Variants in OTOGL observed in about 807,000 individuals in gnomAD.
OTOGL encodes otogelin like.
A neutral mutation model predicts 318.5 loss-of-function variants in OTOGL; 285 were observed. That is an observed-to-expected ratio of 0.89 (90% confidence interval 0.81 to 0.99). OTOGL has a LOEUF of 0.99. Among genes scored for constraint, OTOGL ranks in the 50% least tolerant of loss-of-function variants. The pLI, the probability that OTOGL is intolerant of heterozygous loss-of-function variation, is 0.00. For synonymous variants in OTOGL, 987 were observed against 936.5 expected, an observed-to-expected ratio of 1.05 and a Z score of -0.99; for missense variants, 2,899 against 2,845.6, an observed-to-expected ratio of 1.02 and a Z score of -0.43.
intron 21 of OTOGL, 67 bp downstream of exon 21, chr12:80,266,683 G>A (rs12366943): frequency 1.4e-6 from 2 of 1,418,420 alleles, no homozygotes; most frequent in East Asian, 4.8e-5. Flanking sequence ...GGCTAAATGA[G>A]CTTTCATGGA....
chr12:80,201,417 C>A (rs962823536), intron 1 of OTOGL, among the ~76,000 whole-genome samples: 1 of 151,920 alleles, frequency 6.6e-6, no homozygotes, highest in Non-Finnish European at 1.5e-5. Flanking sequence ...AGCAAGAGAG[C>A]GAGGTGGGGA....
In OTOGL at chr12:80,357,732, G is replaced by A. The variant is rs544191107; in HGVS notation, c.6020-516G>A. 7.2e-5 allele frequency among the ~76,000 whole-genome samples: 11 copies of A among 152,130 alleles called. No homozygotes were observed. The South Asian group carries it at 1.0e-3, about 14-fold the overall frequency. On this transcript the variant is annotated intron_variant, in intron 49 of 58. Coordinates refer to ENST00000547103, the MANE Select transcript of OTOGL (RefSeq NM_001378609.3). Reference sequence around the variant, plus strand: ...CTCAAATTCCATCCAAAGGGATTCCGATTACTCCTATGTGGGTTGTTTCTA... The same window carrying A: ...CTCAAATTCCATCCAAAGGGATTCCAATTACTCCTATGTGGGTTGTTTCTA...
At chr12:80,352,574 A>G (rs1245211295) in intron 45 of OTOGL, 138 bp downstream of exon 45, 8 of 714,028 alleles carry the variant, frequency 1.1e-5, no homozygotes, top group Non-Finnish European at 1.5e-5. Context: ...GACAAACACA[A>G]GTTACATCAC....
rs1049238299 is a variant in OTOGL, at chr12:80,270,135, A to T, written c.2499A>T (p.Glu833Asp). 1 of 1,605,234 alleles carries T rather than the reference A, an allele frequency of 6.2e-7. No homozygotes were observed. Among genetic ancestry groups the T allele is most frequent in the African/African-American group, 1.3e-5 (1 of 74,708 alleles). ...CAAATGGGACTGTGAAATGTGATGAATTAGCAACGCCCTCTGCTGGTAAGA... is the reference window on the plus strand; with the variant it reads ...CAAATGGGACTGTGAAATGTGATGATTTAGCAACGCCCTCTGCTGGTAAGA... The part of the protein sequence containing the change: ...QCSNGTVKCD[E>D]LATPSAVHIC... The change falls in exon 23 of 59, where the codon GAA becomes GAT. Residue 833 changes from glutamate (E) to aspartate (D), a missense_variant. This residue lies in a region of OTOGL where 2,607 missense variants were observed against 2,524.9 expected (regional missense o/e 1.03). Transcript: ENST00000547103.
In OTOGL at chr12:80,313,485, A is replaced by T; in HGVS notation, c.3460A>T (p.Thr1154Ser). The change falls in exon 31 of 59, where the codon ACT becomes TCT. Residue 1154 changes from threonine (T) to serine (S), a missense_variant. By Grantham distance (58) the Thr-to-Ser change is moderately conservative (BLOSUM62 1). Around this residue, in one of 3 missense-constraint regions of OTOGL, gnomAD observed 2,607 missense variants for 2,524.9 expected, o/e 1.03. Coordinates refer to ENST00000547103, the MANE Select transcript of OTOGL (RefSeq NM_001378609.3). ...FASCRNVIDV[T>S]SFAKNCHEDT... Reference sequence around the variant, plus strand: ...TCACCTCATTTTTCAGATTGACGTTACTTCTTTTGCCAAAAATTGTCATGA... The same window carrying T: ...TCACCTCATTTTTCAGATTGACGTTTCTTCTTTTGCCAAAAATTGTCATGA... 1 of 1,609,138 alleles carries T rather than the reference A, an allele frequency of 6.2e-7. No homozygotes were observed. Among genetic ancestry groups the T allele is most frequent in the Non-Finnish European group, 8.5e-7 (1 of 1,175,922 alleles).
chr12:80,100,091 G>A (rs1004748334), intron 1 of OTOGL, among the ~76,000 whole-genome samples: 14 of 152,102 alleles, frequency 9.2e-5, no homozygotes, highest in African/African-American at 3.1e-4. Context: ...CTCATGGTCT[G>A]GAAGGCAGAA....
rs1890828425 is a variant in OTOGL at position 80,370,694 on chromosome 12, G to T, written c.6735+5G>T. On this transcript the variant is annotated splice_donor_5th_base_variant and intron_variant, in intron 56 of 58. Transcript: ENST00000547103. ...AATGAGACTGAATGCAAAATGGTTT[G>T]TACTTTGTTGTATCTAAGAAAATTT... 2 of 1,534,912 alleles carry T rather than the reference G, an allele frequency of 1.3e-6. No homozygotes were observed.
At chr12:80,290,373 A>G (rs1271408471) in intron 26 of OTOGL, among the ~76,000 whole-genome samples, 1 of 151,952 alleles carries the variant, frequency 6.6e-6, no homozygotes, top group African/African-American at 2.4e-5. Flanking sequence ...TGCCTTTTCA[A>G]TAAGCTACTA....
chr12:80,137,456 T>C (rs1211073516), intron 1 of OTOGL, among the ~76,000 whole-genome samples: 4 of 152,168 alleles, frequency 2.6e-5, no homozygotes, highest in Non-Finnish European at 5.9e-5. Context: ...AGAAATGGAA[T>C]TGACCAAAAC....
At position 80,333,836 on chromosome 12, in the gene OTOGL, G is replaced by T. The variant is rs146172985; in HGVS notation, c.4422+758G>T. The stretch of plus-strand genomic sequence containing the variant: ...CAATGTAGAGGACTGGGTCAACAAA[G>T]TTCCAGGCAGAGGGACCAGCAAGTG... On this transcript the variant is annotated intron_variant, in intron 38 of 58. Coordinates refer to ENST00000547103, the MANE Select transcript of OTOGL (RefSeq NM_001378609.3). 1.3e-4 allele frequency among the ~76,000 whole-genome samples: 20 copies of T among 152,222 alleles called. No individual in the cohort carries two copies. In the East Asian group the frequency reaches 3.7e-3, roughly 28 times the overall value.
At chr12:80,314,210 A>G (rs757290008) in intron 31 of OTOGL, 95 bp from the exon 32 acceptor site, 19 of 370,058 alleles carry the variant, frequency 5.1e-5, no homozygotes, top group Non-Finnish European at 8.1e-5. Context: ...ATTCTTTCAC[A>G]TAGTTATTGA....
At chr12:80,254,162 C>A (rs575319478) in intron 14 of OTOGL, among the ~76,000 whole-genome samples, 23 of 152,130 alleles carry the variant, frequency 1.5e-4, no homozygotes, top group African/African-American at 5.3e-4. Flanking sequence ...CTCTAAAACT[C>A]ACACCTTTGT....
In OTOGL at chr12:80,353,326, C is replaced by A; in HGVS notation, c.5409C>A (p.Ser1803=). The A allele has an allele frequency of 6.7e-7, 1 of 1,500,466 alleles. No homozygotes were observed. The allele number at this position is 1,500,466 out of a possible 1,614,324, so 92.9% of individuals were successfully genotyped here. Residue 1803 remains serine, a splice_region_variant and synonymous_variant, in exon 46 of 59, where the codon TCC becomes TCA. Coordinates refer to ENST00000547103, the MANE Select transcript of OTOGL (RefSeq NM_001378609.3). ...CIQWRTPDYC[S]LSCPEGKEYQ... Reference sequence around the variant, plus strand: ...AATTTTGTCTCCTATTCTTCAAAGCCCTGAGTTGCCCAGAGGGGAAGGAAT... The same window carrying A: ...AATTTTGTCTCCTATTCTTCAAAGCACTGAGTTGCCCAGAGGGGAAGGAAT...
At chr12:80,348,724 T>G (rs1566004043) in intron 44 of OTOGL, among the ~76,000 whole-genome samples, 1 of 152,198 alleles carries the variant, frequency 6.6e-6, no homozygotes, top group African/African-American at 2.4e-5. Flanking sequence ...CCACGTCTTG[T>G]GCTACACTCT....
At chr12:80,202,832 T>C (rs919631698) in intron 1 of OTOGL, among the ~76,000 whole-genome samples, 1 of 152,180 alleles carries the variant, frequency 6.6e-6, no homozygotes, top group Non-Finnish European at 1.5e-5. Flanking sequence ...CTTCTGAACA[T>C]CTGCTCCATT....
chr12:80,322,360 A>G (rs919490734), intron 34 of OTOGL, among the ~76,000 whole-genome samples: 1 of 152,196 alleles, frequency 6.6e-6, no homozygotes, highest in African/African-American at 2.4e-5. Context: ...TTTGAGGCTT[A>G]GAGAACTGCA....
chr12:80,222,196 A>T lies in OTOGL; in HGVS notation c.440A>T (p.Tyr147Phe). 2 of 1,598,336 alleles carry T rather than the reference A, an allele frequency of 1.3e-6. No homozygotes were observed. Among genetic ancestry groups the T allele is most frequent in the African/African-American group, 2.7e-5 (2 of 75,020 alleles). Residue 147 changes from tyrosine (Y) to phenylalanine (F), a missense_variant, in exon 7 of 59, where the codon TAC becomes TTC. By Grantham distance (22) the Tyr-to-Phe change is conservative. Coordinates refer to ENST00000547103, the MANE Select transcript of OTOGL (RefSeq NM_001378609.3). The stretch of plus-strand genomic sequence containing the variant: ...TATTACTTCCCAGGAAACTGTTCTT[A>T]CATTTTTGCAAAGGACTGTGGTGAT... ...IYYYFPGNCSYIFAKDCGDLE... is the reference protein window; with the variant it reads ...IYYYFPGNCSFIFAKDCGDLE...
chr12:80,218,271 CA>C (rs752072650), intron 5 of OTOGL, among the ~76,000 whole-genome samples: 58 of 152,236 alleles, frequency 3.8e-4, no homozygotes, highest in Admixed American at 7.2e-4. Context: ...TGAAAAACAT[CA>C]TTTTTTTTCT....
chr12:80,232,768 A>G, intron 8 of OTOGL, 124 bp from the exon 9 acceptor site: 1 of 895,370 alleles, frequency 1.1e-6, no homozygotes, highest in Non-Finnish European at 1.7e-6. Context: ...CTCTTGCTGC[A>G]CAGCTTATTC....
Sources: allele counts gnomAD v4.1 joint callset (sites outside exome capture counted in the v4.1 genomes callset), GRCh38; gene constraint gnomAD v4.1.1; regional missense constraint gnomAD v4.1.1; transcripts MANE v1.5; gene names NCBI Gene and HGNC (gene_info 2026-07-23, HGNC 2026-07-21).